The following AGAP1 variants were observed in gnomAD, a reference collection of about 807,000 sequenced individuals.
The protein encoded by AGAP1 is arf-GAP with GTPase, ANK repeat and PH domain-containing protein 1.
AGAP1 carries 29 observed loss-of-function variants against 105.3 expected under a neutral mutation model. The ratio of observed to expected loss-of-function variants is 0.28; its 90% confidence interval spans 0.21 to 0.38. The LOEUF is 0.38. Ranked by LOEUF, AGAP1 falls within the 10% of genes least tolerant of loss-of-function variation. The probability of loss-of-function intolerance (pLI) is 1.00; values close to 1 mark genes in which losing one functional copy is unlikely to be tolerated. For synonymous variants in AGAP1, 509 were observed against 485.9 expected, an observed-to-expected ratio of 1.05 and a Z score of -0.63; for missense variants, 998 against 1,165.1, an observed-to-expected ratio of 0.86 and a Z score of 2.09.
chr2:235,699,918 GC>G (rs1390040025), intron 1 of AGAP1, among the ~76,000 whole-genome samples: 2 of 152,224 alleles, frequency 1.3e-5, no homozygotes, highest in African/African-American at 4.8e-5. Flanking sequence ...GCAACCTCAG[GC>G]TGGTTCTTCT....
Position 235,612,697 on chromosome 2 carries a change from A to G in AGAP1, c.164-96482A>G, listed in dbSNP as rs1054365002. ...AGCGCATCCAGGGTTGCTTGGGCAC[A>G]GTGGTCCTTTTGCATGGGGTGGCCG... On this transcript the variant is annotated intron_variant, in intron 1 of 17. Transcript: ENST00000304032. The surrounding 1 kb of genome is among the most constrained non-coding windows in gnomAD (Gnocchi z 4.3). Among the ~76,000 whole-genome samples, 2 of 151,798 alleles carry G rather than the reference A, an allele frequency of 1.3e-5. No homozygotes were observed. Among genetic ancestry groups the G allele is most frequent in the African/African-American group, 2.4e-5 (1 of 41,206 alleles).
At position 236,001,927 on chromosome 2, in the gene AGAP1, A is replaced by G. The variant is rs535548631; in HGVS notation, c.1645+33304A>G. ...CTTCCCTGAACATCATTGCACATAC[A>G]TTCTGAAGCGCTCACGCTTTGTTCC... is the stretch of plus-strand genomic sequence containing the variant. On this transcript the variant is annotated intron_variant, in intron 13 of 17. Coordinates refer to ENST00000304032, the MANE Select transcript of AGAP1 (RefSeq NM_001037131.3). The surrounding 1 kb of genome is among the most constrained non-coding windows in gnomAD (Gnocchi z 4.7). 6.6e-6 allele frequency among the ~76,000 whole-genome samples: 1 copy of G among 152,246 alleles called. No individual in the cohort carries two copies. The highest frequency in any genetic ancestry group is 1.9e-4 in the East Asian group (1 of 5,162).
chr2:235,807,132 C>T (rs1040694467), intron 8 of AGAP1, 107 bp from the exon 9 acceptor site: 13 of 1,100,142 alleles, frequency 1.2e-5, no homozygotes, highest in Non-Finnish European at 1.6e-5. Context: ...ACATAGATCG[C>T]GCATGTTTTC....
rs1946263244 is a variant in AGAP1 at position 235,615,010 on chromosome 2, G to A, written c.164-94169G>A. ...CGCTCAAATAAAGGAGGCTGTTCAAGGTGAGTGGTTTTCCTGGCGGTGTGG... is the reference window on the plus strand; with the variant it reads ...CGCTCAAATAAAGGAGGCTGTTCAAAGTGAGTGGTTTTCCTGGCGGTGTGG... On this transcript the variant is annotated intron_variant, in intron 1 of 17. Transcript: ENST00000304032. This position sits in a 1 kb window ranked among gnomAD's most constrained non-coding sequence, Gnocchi z 5.0. 6.6e-6 allele frequency among the ~76,000 whole-genome samples: 1 copy of A among 152,212 alleles called. No individual in the cohort carries two copies. The highest frequency in any genetic ancestry group is 2.1e-4 in the South Asian group (1 of 4,824).
chr2:236,068,982 C>T (rs1057100723), intron 16 of AGAP1, among the ~76,000 whole-genome samples: 3 of 151,162 alleles, frequency 2.0e-5, no homozygotes, highest in African/African-American at 7.4e-5. Context: ...CAAAAATTAG[C>T]TGGGCATGGT....
rs1265726643 is a variant in AGAP1, at chr2:236,012,742, G to A, written c.1646-23819G>A. ...CCTTTAACACCGCAGATGCCTGCTAGTTTAGAGGTTGTTTCTTACTAAATT... is the reference window on the plus strand; with the variant it reads ...CCTTTAACACCGCAGATGCCTGCTAATTTAGAGGTTGTTTCTTACTAAATT... On this transcript the variant is annotated intron_variant, in intron 13 of 17. Coordinates refer to ENST00000304032, the MANE Select transcript of AGAP1 (RefSeq NM_001037131.3). The surrounding 1 kb of genome is among the most constrained non-coding windows in gnomAD (Gnocchi z 4.9). 6.7e-6 allele frequency among the ~76,000 whole-genome samples: 1 copy of A among 149,796 alleles called. No homozygotes were observed. The highest frequency in any genetic ancestry group is 2.5e-5 in the African/African-American group (1 of 40,056).
In AGAP1 at chr2:236,108,412, G is replaced by A. The variant is rs181195764; in HGVS notation, c.2115-11780G>A. On this transcript the variant is annotated intron_variant, in intron 16 of 17. Coordinates refer to ENST00000304032, the MANE Select transcript of AGAP1 (RefSeq NM_001037131.3). ...CTCCTTGTCAGTTTCAACACCAGGC[G>A]GGCGGGTCCCCTCCAGTGTCTGCTC... Among the ~76,000 whole-genome samples the A allele has an allele frequency of 2.9e-4, 44 of 152,214 alleles. No homozygotes were observed. The East Asian group carries it at 5.2e-3, about 18-fold the overall frequency.
rs2052676822 is a variant in AGAP1, at chr2:235,930,656, C to T, written c.1325-109C>T. ...ATGCAGGCAGGACAGGGGCTGCTCT[C>T]GGTGGTAAGGTGCACTATGTGCCAG... On this transcript the variant is annotated intron_variant, in intron 11 of 17. Transcript: ENST00000304032. This position sits in a 1 kb window ranked among gnomAD's most constrained non-coding sequence, Gnocchi z 7.9. The T allele has an allele frequency of 8.7e-6, 10 of 1,143,838 alleles. No individual in the cohort carries two copies. The highest frequency in any genetic ancestry group is 1.1e-5 in the Non-Finnish European group (9 of 816,506). 70.9% of individuals were successfully genotyped at this position (1,143,838 alleles called of 1,614,324 possible). A position where few individuals can be genotyped will look rare whatever the true frequency, so the allele number is the denominator to read the frequency against.
Position 235,754,223 on chromosome 2 carries a change from G to C in AGAP1, c.673+3735G>C, listed in dbSNP as rs567568493. On this transcript the variant is annotated intron_variant, in intron 6 of 17. Transcript: ENST00000304032. This position sits in a 1 kb window ranked among gnomAD's most constrained non-coding sequence, Gnocchi z 4.6. ...ACACACCAGCTTTGCCCACAGGTCT[G>C]GGGAGGGCCTTGCAGGGGATGCACC... Among the ~76,000 whole-genome samples the C allele has an allele frequency of 8.5e-5, 13 of 152,286 alleles. No individual in the cohort carries two copies. In the South Asian group the frequency reaches 2.7e-3, roughly 32 times the overall value.
intron 16 of AGAP1, chr2:236,072,544 T>A (rs1424912571): frequency 1.3e-5 from 2 of 152,242 alleles, no homozygotes; most frequent in Non-Finnish European, 2.9e-5. Context: ...GCTCAAGGGC[T>A]CCTCCTGCCT....
At chr2:235,683,942 A>T (rs760327173) in intron 1 of AGAP1, among the ~76,000 whole-genome samples, 1 of 150,312 alleles carries the variant, frequency 6.7e-6, no homozygotes, top group African/African-American at 2.5e-5. Context: ...GTGAGAACAC[A>T]TGGTGTGTTT....
intron 16 of AGAP1, among the ~76,000 whole-genome samples, chr2:236,068,136 G>A (rs2058395478): frequency 1.3e-5 from 2 of 152,158 alleles, no homozygotes; most frequent in Admixed American, 6.5e-5. Context: ...GCTGGGCGTT[G>A]TGGCATGTGC....
intron 11 of AGAP1, among the ~76,000 whole-genome samples, chr2:235,910,940 C>T (rs1415973147): frequency 6.6e-6 from 1 of 152,080 alleles, no homozygotes; most frequent in African/African-American, 2.4e-5. Flanking sequence ...TATCAAGCAC[C>T]TATTTTGTGC....
At position 236,040,253 on chromosome 2, in the gene AGAP1, C is replaced by T. The variant is rs962542397; in HGVS notation, c.1801-498C>T. On this transcript the variant is annotated intron_variant, in intron 14 of 17. Transcript: ENST00000304032. The surrounding 1 kb of genome is among the most constrained non-coding windows in gnomAD (Gnocchi z 5.6). ...CTTTGTCACTGTGGCAACCGAGGGTCTTCAGATGACATGTGCATCTCCCAG... is the reference window on the plus strand; with the variant it reads ...CTTTGTCACTGTGGCAACCGAGGGTTTTCAGATGACATGTGCATCTCCCAG... Among the ~76,000 whole-genome samples, 1 of 152,208 alleles carries T rather than the reference C, an allele frequency of 6.6e-6. No homozygotes were observed. Among genetic ancestry groups the T allele is most frequent in the Admixed American group, 6.5e-5 (1 of 15,280 alleles).
At chr2:235,844,678 C>G (rs1218148505) in intron 9 of AGAP1, among the ~76,000 whole-genome samples, 1 of 152,144 alleles carries the variant, frequency 6.6e-6, no homozygotes, top group African/African-American at 2.4e-5. Flanking sequence ...TCATCCACTC[C>G]CAACACCCAA....
intron 9 of AGAP1, among the ~76,000 whole-genome samples, chr2:235,871,915 C>T (rs773570213): frequency 2.0e-5 from 3 of 152,156 alleles, no homozygotes; most frequent in African/African-American, 4.8e-5. Context: ...ACCAGTGCCA[C>T]GAAGTGTGGT....
In AGAP1 at chr2:236,005,144, G is replaced by A. The variant is rs2056276327; in HGVS notation, c.1646-31417G>A. Among the ~76,000 whole-genome samples the A allele has an allele frequency of 6.6e-6, 1 of 150,880 alleles. No homozygotes were observed. The highest frequency in any genetic ancestry group is 2.4e-5 in the African/African-American group (1 of 40,906). On this transcript the variant is annotated intron_variant, in intron 13 of 17. Coordinates refer to ENST00000304032, the MANE Select transcript of AGAP1 (RefSeq NM_001037131.3). The surrounding 1 kb of genome is among the most constrained non-coding windows in gnomAD (Gnocchi z 4.1). ...TGTTTTTTGTGTGTGTGTGTGTTTT[G>A]GTTTTTGTTTGTTTGTTTTTGTGAC...
intron 11 of AGAP1, among the ~76,000 whole-genome samples, chr2:235,915,640 C>G (rs2051840618): frequency 6.6e-6 from 1 of 152,090 alleles, no homozygotes; most frequent in South Asian, 2.1e-4. Context: ...TGCCACTGTA[C>G]TCCAGCCTGG....
chr2:236,047,693 G>A (rs2125704867), intron 15 of AGAP1, among the ~76,000 whole-genome samples: 1 of 136,588 alleles, frequency 7.3e-6, no homozygotes, highest in African/African-American at 2.9e-5. Flanking sequence ...TCTGCCTCCT[G>A]AGTTCAAGCG....
Sources: gnomAD v4.1 joint callset for allele counts (sites outside exome capture counted in the v4.1 genomes callset) on GRCh38, gnomAD v4.1.1 for gene constraint, Gnocchi (gnomAD v3.1) non-coding constraint, MANE v1.5 for transcripts, NCBI Gene and HGNC (gene_info 2026-07-23, HGNC 2026-07-21) for gene names.